The following EPSTI1 variants were observed in gnomAD, a reference collection of about 807,000 sequenced individuals.
EPSTI1 encodes the protein epithelial-stromal interaction protein 1.
In EPSTI1, 66 loss-of-function variants were observed where a neutral mutation model predicts 49.9. The observed-to-expected ratio is 1.32, with a 90% CI of 1.08 to 1.62. EPSTI1 has a LOEUF of 1.62. Among genes scored for constraint, EPSTI1 ranks in the 40% most tolerant of loss-of-function variants. The pLI is 0.00. For missense variants in EPSTI1, 394 were observed against 365.5 expected, an observed-to-expected ratio of 1.08 and a Z score of -0.64; for synonymous variants, 137 against 130.7, an observed-to-expected ratio of 1.05 and a Z score of -0.33.
intron 6 of EPSTI1, among the ~76,000 whole-genome samples, chr13:42,927,340 G>A (rs763882857): frequency 6.6e-6 from 1 of 152,100 alleles, no homozygotes; most frequent in Non-Finnish European, 1.5e-5. Context: ...CTTTTCTCAT[G>A]TAATTTGTGT....
At chr13:42,988,832 T>C (rs1381624167) in intron 1 of EPSTI1, among the ~76,000 whole-genome samples, 1 of 143,250 alleles carries the variant, frequency 7.0e-6, no homozygotes, top group Non-Finnish European at 1.5e-5. Context: ...GTATACTTTC[T>C]TTCTATGCAA....
chr13:42,989,582 T>TTTTTTTTTC, intron 1 of EPSTI1, among the ~76,000 whole-genome samples: 1 of 122,356 alleles, frequency 8.2e-6, no homozygotes, highest in African/African-American at 2.8e-5. Context: ...TTTTTTTTTT[T>TTTTTTTTTC]TGCTTTTTGT....
chr13:42,949,032 GC>G (rs1363154915), intron 6 of EPSTI1, among the ~76,000 whole-genome samples: 1 of 152,154 alleles, frequency 6.6e-6, no homozygotes, highest in Non-Finnish European at 1.5e-5. Flanking sequence ...GTCATAGACT[GC>G]CCTAACACTA....
intron 10 of EPSTI1, among the ~76,000 whole-genome samples, chr13:42,892,673 G>T (rs1349740059): frequency 6.6e-6 from 1 of 152,160 alleles, no homozygotes; most frequent in Non-Finnish European, 1.5e-5. Context: ...GGAGGAAGGG[G>T]TCTGGGCTGG....
intron 1 of EPSTI1, among the ~76,000 whole-genome samples, chr13:42,987,999 C>G (rs2040116066): frequency 6.6e-6 from 1 of 152,136 alleles, no homozygotes; most frequent in Non-Finnish European, 1.5e-5. Context: ...CATACAAATT[C>G]AGCTCAAGTT....
At chr13:42,988,045 T>C (rs2040116961) in intron 1 of EPSTI1, among the ~76,000 whole-genome samples, 1 of 152,206 alleles carries the variant, frequency 6.6e-6, no homozygotes, top group South Asian at 2.1e-4. Flanking sequence ...TAGGTTCATT[T>C]TCAAAATATA....
intron 5 of EPSTI1, among the ~76,000 whole-genome samples, chr13:42,955,376 G>A (rs2039226694): frequency 6.6e-6 from 1 of 152,174 alleles, no homozygotes; most frequent in South Asian, 2.1e-4. Context: ...CAGTGAGAAA[G>A]CCAAAAACAG....
At chr13:42,933,312 T>TAAAAA (rs1178617129) in intron 6 of EPSTI1, among the ~76,000 whole-genome samples, 1 of 77,346 alleles carries the variant, frequency 1.3e-5, no homozygotes, top group African/African-American at 3.7e-5. Flanking sequence ...ACATAAAAAG[T>TAAAAA]AAAAAAAAAA....
At chr13:42,960,524 C>T (rs1039097258) in intron 5 of EPSTI1, among the ~76,000 whole-genome samples, 23 of 152,192 alleles carry the variant, frequency 1.5e-4, no homozygotes, top group African/African-American at 5.5e-4. Context: ...ATTAATGCAT[C>T]ATTATAAAAC....
chr13:42,895,448 A>G (rs2037163293), intron 9 of EPSTI1, among the ~76,000 whole-genome samples: 1 of 152,206 alleles, frequency 6.6e-6, no homozygotes, highest in Non-Finnish European at 1.5e-5. Flanking sequence ...GGCTGGAGAG[A>G]GAAAGAAGCC....
chr13:42,984,527 T>C (rs750459403), intron 1 of EPSTI1, among the ~76,000 whole-genome samples: 1 of 152,240 alleles, frequency 6.6e-6, no homozygotes, highest in East Asian at 1.9e-4. Flanking sequence ...TACTTCAGGA[T>C]TGCAGAAAAT....
At chr13:42,931,222 G>A (rs1268705337) in intron 6 of EPSTI1, among the ~76,000 whole-genome samples, 4 of 122,166 alleles carry the variant, frequency 3.3e-5, no homozygotes, top group South Asian at 2.8e-4. Flanking sequence ...TTTTTGAGAC[G>A]GAGTCTCGCT....
At chr13:42,890,527 T>G (rs1313239141) in intron 10 of EPSTI1, among the ~76,000 whole-genome samples, 2 of 152,178 alleles carry the variant, frequency 1.3e-5, no homozygotes, top group Admixed American at 1.3e-4. Context: ...CTCGATCTCC[T>G]GACCTCGTGA....
At chr13:42,901,455 A>G (rs538694991) in intron 8 of EPSTI1, among the ~76,000 whole-genome samples, 2 of 152,352 alleles carry the variant, frequency 1.3e-5, no homozygotes, top group East Asian at 3.9e-4. Context: ...CCTAATTCCT[A>G]TATAACACTA....
intron 5 of EPSTI1, among the ~76,000 whole-genome samples, chr13:42,961,752 A>G (rs1438921958): frequency 6.6e-6 from 1 of 152,188 alleles, no homozygotes; most frequent in Admixed American, 6.5e-5. Context: ...GAAGGGCAGA[A>G]GGGGACCAGC....
Position 42,991,997 on chromosome 13 carries a change from C to G in EPSTI1, c.169G>C (p.Val57Leu), listed in dbSNP as rs747072558. 4.3e-6 allele frequency: 7 copies of G among 1,613,254 alleles called. No individual in the cohort carries two copies. The Admixed American group carries it at 5.0e-5, about 12-fold the overall frequency. The change falls in exon 1 of 11, where the codon GTG becomes CTG. Residue 57 changes from valine to leucine, a missense_variant. Val to Leu is a conservative substitution (Grantham distance 32). Coordinates refer to ENST00000313624, the MANE Select transcript of EPSTI1 (RefSeq NM_033255.5). ...APKGPSRESV[V>L]HAGQRRTSAY... ...ACTCACCGCCTCTGGCCCGCGTGCA[C>G]GACGCTCTCCCGCGAAGGGCCCTTA...
At chr13:42,912,158 TGAAA>T (rs2037705595) in intron 8 of EPSTI1, among the ~76,000 whole-genome samples, 1 of 152,230 alleles carries the variant, frequency 6.6e-6, no homozygotes, top group Non-Finnish European at 1.5e-5. Context: ...AAGAAGTTTC[TGAAA>T]GAGAGAAAGG....
At chr13:42,963,157 A>AG (rs2039507007) in intron 5 of EPSTI1, 98 bp downstream of exon 5, 10 of 922,600 alleles carry the variant, frequency 1.1e-5, no homozygotes, top group South Asian at 1.1e-4. Context: ...GAGAGAGAGA[A>AG]AGATGGATAA....
chr13:42,931,954 G>C (rs2038390173), intron 6 of EPSTI1, among the ~76,000 whole-genome samples: 1 of 152,088 alleles, frequency 6.6e-6, no homozygotes, highest in Non-Finnish European at 1.5e-5. Flanking sequence ...CCCATAAATA[G>C]ATATGCAATT....
Sources: gnomAD v4.1 joint callset for allele counts (sites outside exome capture counted in the v4.1 genomes callset) on GRCh38, gnomAD v4.1.1 for gene constraint, MANE v1.5 for transcripts, NCBI Gene and HGNC (gene_info 2026-07-23, HGNC 2026-07-21) for gene names.